Variants in DAO observed in about 807,000 individuals in gnomAD.
The protein encoded by DAO is D-amino acid oxidase, also known as D-amino-acid oxidase.
In DAO, 51 loss-of-function variants were observed where a neutral mutation model predicts 50.1. The observed-to-expected ratio is 1.02, with a 90% CI of 0.81 to 1.29. DAO has a LOEUF of 1.29. Ranked by LOEUF, DAO falls within the 50% of genes most tolerant of loss-of-function variation. The pLI, the probability that DAO is intolerant of heterozygous loss-of-function variation, is 0.00. For missense variants in DAO, 436 were observed against 439.4 expected (o/e 0.99, Z 0.07); for synonymous variants, 160 against 166.2 (o/e 0.96, Z 0.29).
chr12:108,885,392 T>C lies in DAO; in HGVS notation c.194+192T>C, dbSNP rs1469782163. Among the ~76,000 whole-genome samples, 3 of 152,234 alleles carry C rather than the reference T, an allele frequency of 2.0e-5. No individual in the cohort carries two copies. In the East Asian group the frequency reaches 5.8e-4, roughly 29 times the overall value. On this transcript the variant is annotated intron_variant, in intron 2 of 10. Transcript: ENST00000228476. ...GGGAGGTCGAGGTGGGAGGATCACT[T>C]GAGGCCAGGAGTTCCAGATCAGCCT...
intron 10 of DAO, 153 bp from the exon 11 acceptor site, chr12:108,900,251 C>T (rs2039607098): frequency 1.1e-6 from 1 of 910,758 alleles, no homozygotes; most frequent in Non-Finnish European, 1.7e-6. Context: ...GGGTCCCCAC[C>T]ATTCCACCCC....
rs910483544 is a variant in DAO at position 108,884,865 on chromosome 12, T to G, written c.-9-133T>G. ...TGATATTCCTTCCTCCTAGGGGTCA[T>G]CGGGAAGGTCAAATATAAAAAGGGC... On this transcript the variant is annotated intron_variant, in intron 1 of 10. Transcript: ENST00000228476. 8 of 821,698 alleles carry G rather than the reference T, an allele frequency of 9.7e-6. No individual in the cohort carries two copies. The African/African-American group carries it at 1.0e-4, about 10-fold the overall frequency. The allele number at this position is 821,698 out of a possible 1,614,324, so 50.9% of individuals were successfully genotyped here.
chr12:108,881,162 TCACACACACACACACA>T (rs66697500), intron 1 of DAO, among the ~76,000 whole-genome samples: 1 of 139,228 alleles, frequency 7.2e-6, no homozygotes, highest in Non-Finnish European at 1.5e-5. Flanking sequence ...GACATTCTAA[TCACACACACACACACA>T]CACACACACA....
chr12:108,899,955 A>C (rs1566041194), intron 10 of DAO: 1 of 300,892 alleles, frequency 3.3e-6, no homozygotes, highest in Non-Finnish European at 6.4e-6. Flanking sequence ...CTGTGGTCAA[A>C]TAACAGGAAA....
chr12:108,894,200 G>C (rs2039521701), intron 6 of DAO, 63 bp from the exon 7 acceptor site: 3 of 1,248,034 alleles, frequency 2.4e-6, no homozygotes, highest in Admixed American at 3.8e-5. Flanking sequence ...GGGGAAGAGA[G>C]AACAGGGAAT....
intron 10 of DAO, chr12:108,899,789 T>C (rs1329103343): frequency 2.3e-6 from 1 of 430,570 alleles, no homozygotes; most frequent in Non-Finnish European, 4.4e-6. Flanking sequence ...ATCAAGTATG[T>C]TAGTACCACA....
In DAO at chr12:108,884,947, A is replaced by G. The variant is rs115040192; in HGVS notation, c.-9-51A>G. The G allele has an allele frequency of 7.5e-4, 1,169 of 1,550,246 alleles. 10 individuals are homozygous for G. In the African/African-American group the frequency reaches 0.011, roughly 15 times the overall value. The stretch of plus-strand genomic sequence containing the variant: ...GTGGATGGTGGCAATGGCGCTAAGG[A>G]TGATGGAGATGATGGTGATGATGTT... On this transcript the variant is annotated intron_variant, in intron 1 of 10. Coordinates refer to ENST00000228476, the MANE Select transcript of DAO (RefSeq NM_001917.5).
intron 10 of DAO, 192 bp downstream of exon 10, chr12:108,899,667 G>T (rs2039601046): frequency 1.1e-5 from 7 of 642,520 alleles, no homozygotes; most frequent in South Asian, 3.4e-5. Flanking sequence ...CCTGCTCAAG[G>T]TTACATAGAG....
intron 1 of DAO, among the ~76,000 whole-genome samples, chr12:108,882,090 A>G (rs1193466027): frequency 6.6e-6 from 1 of 152,166 alleles, no homozygotes; most frequent in African/African-American, 2.4e-5. Context: ...ACTGGCAAGC[A>G]TGGCATTTAA....
In DAO at chr12:108,890,410, C is replaced by A; in HGVS notation, c.452+137C>A. 3 of 714,908 alleles carry A rather than the reference C, an allele frequency of 4.2e-6. No homozygotes were observed. In the South Asian group the frequency reaches 4.4e-5, roughly 10 times the overall value. 44.3% of individuals were successfully genotyped at this position (714,908 alleles called of 1,614,324 possible). On this transcript the variant is annotated intron_variant, in intron 5 of 10. Transcript: ENST00000228476. ...CCCTTAGGCCTGGTGTGGGAGCTAT[C>A]CTTGGTCCTGATCACCGCTGGGCAC...
At chr12:108,885,228 G>T in intron 2 of DAO, 28 bp downstream of exon 2, 1 of 1,604,204 alleles carries the variant, frequency 6.2e-7, no homozygotes, top group South Asian at 1.1e-5. Flanking sequence ...AGGGTAGCCT[G>T]GGGTGCCCAT....
chr12:108,895,337 G>GTGAGGGTGTGTGTGCATGTT (rs2039537763), intron 7 of DAO, among the ~76,000 whole-genome samples: 3 of 151,514 alleles, frequency 2.0e-5, no homozygotes. Flanking sequence ...GTGTGCATGT[G>GTGAGGGTGTGTGTGCATGTT]TGAGGGTGTG....
chr12:108,886,869 G>A (rs911793472), intron 2 of DAO, among the ~76,000 whole-genome samples: 9 of 152,176 alleles, frequency 5.9e-5, no homozygotes, highest in African/African-American at 1.4e-4. Flanking sequence ...GTTTTTCCAC[G>A]TGCTTTTGAG....
chr12:108,889,353 A>G, intron 3 of DAO, 116 bp from the exon 4 acceptor site: 2 of 683,178 alleles, frequency 2.9e-6, no homozygotes, highest in Non-Finnish European at 5.4e-6. Context: ...CAGGTGATCC[A>G]CCCATCTCAG....
Position 108,894,303 on chromosome 12 carries a change from G to A in DAO, c.548G>A (p.Gly183Glu), listed in dbSNP as rs2039523277. 1 of 1,614,016 alleles carries A rather than the reference G, an allele frequency of 6.2e-7. No homozygotes were observed. The highest frequency in any genetic ancestry group is 2.2e-5 in the East Asian group (1 of 44,876). The change falls in exon 7 of 11, where the codon GGG (glycine) becomes GAG (glutamate). Residue 183 changes from glycine (G) to glutamate (E), a missense_variant. Transcript: ENST00000228476. Reference protein sequence around the residue: ...EGADVIVNCTGVWAGALQRDP... With the variant: ...EGADVIVNCTEVWAGALQRDP... ...GCAGACGTGATTGTCAACTGCACTG[G>A]GGTATGGGCTGGGGCGCTACAACGA...
At chr12:108,896,077 T>C (rs1327560530) in intron 7 of DAO, among the ~76,000 whole-genome samples, 2 of 151,728 alleles carry the variant, frequency 1.3e-5, no homozygotes, top group African/African-American at 4.8e-5. Context: ...GAGAGAATGA[T>C]TGCATACTTG....
intron 1 of DAO, 69 bp downstream of exon 1, chr12:108,880,293 T>C: frequency 2.7e-6 from 1 of 370,678 alleles, no homozygotes; most frequent in Non-Finnish European, 5.4e-6. Flanking sequence ...GGATTTCATG[T>C]CCTCCCAATG....
intron 5 of DAO, among the ~76,000 whole-genome samples, chr12:108,891,912 T>G (rs2039495770): frequency 6.6e-6 from 1 of 152,010 alleles, no homozygotes; most frequent in African/African-American, 2.4e-5. Context: ...AATTTGCATT[T>G]TAAGAAGCTT....
At chr12:108,894,212 C>G (rs780181602) in intron 6 of DAO, 51 bp from the exon 7 acceptor site, 1 of 1,384,504 alleles carries the variant, frequency 7.2e-7, no homozygotes. Flanking sequence ...ACAGGGAATA[C>G]CAGGGTCTTC....
Sources: allele counts gnomAD v4.1 joint callset (sites outside exome capture counted in the v4.1 genomes callset), GRCh38; gene constraint gnomAD v4.1.1; transcripts MANE v1.5; gene names NCBI Gene and HGNC (gene_info 2026-07-23, HGNC 2026-07-21).